TENM2: variants seen among roughly 807,000 people sequenced by gnomAD.
The protein encoded by TENM2 is teneurin-2.
Under a neutral mutation model 245.2 loss-of-function variants are expected in TENM2, and 52 were observed. The ratio of observed to expected loss-of-function variants is 0.21; its 90% CI spans 0.17 to 0.27. TENM2 has a LOEUF of 0.27. Ranked by LOEUF, TENM2 falls within the 10% of genes least tolerant of loss-of-function variation. The pLI is 1.00. For synonymous variants in TENM2, 1,363 were observed against 1,438.9 expected, an observed-to-expected ratio of 0.95 and a Z score of 1.19; for missense variants, 3,046 against 3,666.8, an observed-to-expected ratio of 0.83 and a Z score of 4.37.
chr5:168,189,502 T>C (rs1170530197), intron 13 of TENM2, among the ~76,000 whole-genome samples: 2 of 152,196 alleles, frequency 1.3e-5, no homozygotes, highest in East Asian at 3.9e-4. Context: ...GGCACAGGAC[T>C]CTAGGCAAGT....
chr5:167,592,999 G>C (rs1721365013), intron 2 of TENM2, among the ~76,000 whole-genome samples: 1 of 151,676 alleles, frequency 6.6e-6, no homozygotes, highest in Admixed American at 6.6e-5. Flanking sequence ...CTTTTTCTTT[G>C]TTTTAAAAAC....
chr5:167,123,661 A>G, the TENM2 span, among the ~76,000 whole-genome samples: 1 of 152,202 alleles, frequency 6.6e-6, no homozygotes, highest in Non-Finnish European at 1.5e-5. Flanking sequence ...CTTTAAAAAT[A>G]TACCTATTTA....
chr5:167,566,631 G>T (rs942752991), intron 2 of TENM2, among the ~76,000 whole-genome samples: 1 of 152,156 alleles, frequency 6.6e-6, no homozygotes, highest in African/African-American at 2.4e-5. Context: ...TACGTTCAAG[G>T]CTGTGATCAT....
At chr5:167,207,900 C>T in the TENM2 span, among the ~76,000 whole-genome samples, 1,464 of 152,180 alleles carry the variant, frequency 9.6e-3, 14 homozygotes, top group Non-Finnish European at 1.0e-2. Flanking sequence ...ATTATAGGCA[C>T]GCGCCAATGT....
the TENM2 span, among the ~76,000 whole-genome samples, chr5:167,037,386 A>G: frequency 2.0e-5 from 3 of 152,214 alleles, no homozygotes; most frequent in Admixed American, 6.5e-5. Flanking sequence ...CTCAGGTCCT[A>G]TAAATCACTT....
At chr5:167,100,239 C>G in the TENM2 span, among the ~76,000 whole-genome samples, 9 of 152,140 alleles carry the variant, frequency 5.9e-5, no homozygotes, top group African/African-American at 1.7e-4. Flanking sequence ...CATTTTTCCT[C>G]TGGTCATCTA....
the TENM2 span, among the ~76,000 whole-genome samples, chr5:167,067,605 A>C: frequency 1.3e-5 from 2 of 152,278 alleles, no homozygotes; most frequent in East Asian, 3.9e-4. Flanking sequence ...CATATAAGAA[A>C]ACCAAGGTGT....
chr5:167,587,576 G>C (rs1561577487), intron 2 of TENM2, among the ~76,000 whole-genome samples: 3 of 152,158 alleles, frequency 2.0e-5, no homozygotes, highest in Non-Finnish European at 4.4e-5. Context: ...GGTGGTGCTA[G>C]AGAGAAGAAT....
chr5:167,527,041 A>C (rs1771169791), intron 2 of TENM2, among the ~76,000 whole-genome samples: 1 of 151,950 alleles, frequency 6.6e-6, no homozygotes, highest in Non-Finnish European at 1.5e-5. Flanking sequence ...GGACTAAAGA[A>C]TCTTTGATCA....
intron 12 of TENM2, among the ~76,000 whole-genome samples, chr5:168,155,062 C>T (rs1706792526): frequency 6.6e-6 from 1 of 152,212 alleles, no homozygotes; most frequent in Admixed American, 6.5e-5. Context: ...ACAATCCCTG[C>T]CGTTTTCCAG....
chr5:167,278,494 C>T, the TENM2 span, among the ~76,000 whole-genome samples: 1 of 151,948 alleles, frequency 6.6e-6, no homozygotes, highest in Non-Finnish European at 1.5e-5. Flanking sequence ...ATTCTCTGTA[C>T]TTTTCGTATC....
chr5:167,577,428 A>G (rs1774781324), intron 2 of TENM2, among the ~76,000 whole-genome samples: 1 of 152,194 alleles, frequency 6.6e-6, no homozygotes, highest in African/African-American at 2.4e-5. Context: ...GAAATGCTCC[A>G]TAGGATGTTT....
intron 7 of TENM2, among the ~76,000 whole-genome samples, chr5:168,082,725 C>T (rs1200875558): frequency 6.6e-6 from 1 of 152,164 alleles, no homozygotes; most frequent in Admixed American, 6.5e-5. Flanking sequence ...CCACTCCAGA[C>T]CCTGTTTGCC....
intron 9 of TENM2, among the ~76,000 whole-genome samples, chr5:168,102,282 A>T (rs1337357561): frequency 6.6e-6 from 1 of 152,210 alleles, no homozygotes; most frequent in Non-Finnish European, 1.5e-5. Context: ...CATGTTGGTC[A>T]GGCTGGTCTT....
At chr5:167,877,277 C>T (rs1185778014) in intron 3 of TENM2, among the ~76,000 whole-genome samples, 1 of 152,130 alleles carries the variant, frequency 6.6e-6, no homozygotes, top group Non-Finnish European at 1.5e-5. Context: ...TTAGAGAGGA[C>T]CTCCCAAATA....
chr5:167,886,750 C>T (rs1418372857), intron 3 of TENM2, among the ~76,000 whole-genome samples: 1 of 152,170 alleles, frequency 6.6e-6, no homozygotes, highest in Non-Finnish European at 1.5e-5. Flanking sequence ...AAAACATTTA[C>T]ATGAGATTGG....
At chr5:167,508,304 A>G (rs1769692173) in intron 2 of TENM2, among the ~76,000 whole-genome samples, 1 of 152,154 alleles carries the variant, frequency 6.6e-6, no homozygotes, top group Admixed American at 6.5e-5. Flanking sequence ...ATATCCAGCT[A>G]TCTTGCTAGT....
chr5:167,613,485 G>A (rs996437021), intron 2 of TENM2, among the ~76,000 whole-genome samples: 1 of 152,068 alleles, frequency 6.6e-6, no homozygotes, highest in African/African-American at 2.4e-5. Context: ...GTAGAGGCTG[G>A]GATCCAGGTA....
At chr5:168,189,954 C>T (rs1760799828) in intron 13 of TENM2, among the ~76,000 whole-genome samples, 1 of 151,988 alleles carries the variant, frequency 6.6e-6, no homozygotes, top group Non-Finnish European at 1.5e-5. Context: ...TAGCACGGAC[C>T]CCTGGGAACT....
Sources: allele counts gnomAD v4.1 joint callset (sites outside exome capture counted in the v4.1 genomes callset), GRCh38; gene constraint gnomAD v4.1.1; transcripts MANE v1.5; gene names NCBI Gene and HGNC (gene_info 2026-07-23, HGNC 2026-07-21).